DLG2: variants seen among roughly 807,000 people sequenced by gnomAD.
DLG2 encodes the protein disks large homolog 2.
A neutral mutation model predicts 132.5 loss-of-function variants in DLG2; 45 were observed. That is an observed-to-expected ratio of 0.34 (90% CI 0.27 to 0.44). The LOEUF (loss-of-function observed/expected upper bound fraction) is 0.44, where lower values mean the gene tolerates loss of function less well. Among genes scored for constraint, DLG2 ranks in the 20% least tolerant of loss-of-function variants. The pLI, the probability that DLG2 is intolerant of heterozygous loss-of-function variation, is 1.00. For missense variants in DLG2, 1,045 were observed against 1,196.9 expected (o/e 0.87, Z 1.87); for synonymous variants, 424 against 419.6 (o/e 1.01, Z -0.13).
At chr11:83,853,711 A>AG (rs1044599757) in intron 16 of DLG2, among the ~76,000 whole-genome samples, 2 of 152,182 alleles carry the variant, frequency 1.3e-5, no homozygotes, top group Admixed American at 6.5e-5. Context: ...TCAGTAAACT[A>AG]GGAATAGGGG....
intron 7 of DLG2, among the ~76,000 whole-genome samples, chr11:84,348,702 TTGTAAA>T (rs1192949646): frequency 6.6e-6 from 1 of 152,194 alleles, no homozygotes; most frequent in Non-Finnish European, 1.5e-5. Flanking sequence ...AATAGAGTCT[TTGTAAA>T]TGTAGTCAAT....
At chr11:83,996,743 C>T (rs2154187173) in intron 11 of DLG2, among the ~76,000 whole-genome samples, 1 of 152,156 alleles carries the variant, frequency 6.6e-6, no homozygotes, top group South Asian at 2.1e-4. Flanking sequence ...CATGTTCTCA[C>T]TTAGTTGTAG....
At chr11:83,753,476 C>T (rs904331102) in intron 18 of DLG2, among the ~76,000 whole-genome samples, 1 of 151,862 alleles carries the variant, frequency 6.6e-6, no homozygotes, top group South Asian at 2.1e-4. Flanking sequence ...TCTCTCCACT[C>T]ATGGCTCTTT....
chr11:84,464,493 C>T (rs1324301556), intron 7 of DLG2, among the ~76,000 whole-genome samples: 2 of 151,068 alleles, frequency 1.3e-5, no homozygotes, highest in Non-Finnish European at 3.0e-5. Context: ...ACTTTGGCAT[C>T]ACATTTAAGA....
chr11:85,047,068 C>G (rs543961750), intron 6 of DLG2, among the ~76,000 whole-genome samples: 2 of 151,900 alleles, frequency 1.3e-5, no homozygotes, highest in African/African-American at 2.4e-5. Flanking sequence ...CTTAGTGGCA[C>G]AAATGTAGGT....
intron 10 of DLG2, among the ~76,000 whole-genome samples, chr11:84,086,441 A>G (rs1423890000): frequency 6.7e-6 from 1 of 150,146 alleles, no homozygotes; most frequent in Admixed American, 6.6e-5. Context: ...CAATTGCCCT[A>G]TGTAATTTTA....
intron 3 of DLG2, among the ~76,000 whole-genome samples, chr11:85,382,221 T>C (rs1430985956): frequency 2.0e-5 from 3 of 152,112 alleles, no homozygotes; most frequent in Non-Finnish European, 4.4e-5. Context: ...AACTCACATT[T>C]ATGGTCAGCT....
chr11:85,424,074 G>T (rs2090528102), intron 3 of DLG2, among the ~76,000 whole-genome samples: 1 of 152,318 alleles, frequency 6.6e-6, no homozygotes, highest in Non-Finnish European at 1.5e-5. Context: ...GGCAAAAATG[G>T]CTTGCTAGGG....
intron 6 of DLG2, among the ~76,000 whole-genome samples, chr11:85,102,803 G>T (rs1594210862): frequency 6.6e-6 from 1 of 151,782 alleles, no homozygotes; most frequent in South Asian, 2.1e-4. Flanking sequence ...TAAATAAAAG[G>T]CATCCAGATT....
intron 7 of DLG2, among the ~76,000 whole-genome samples, chr11:84,457,151 G>T (rs372569541): frequency 1.2e-4 from 18 of 151,156 alleles, no homozygotes; most frequent in African/African-American, 4.1e-4. Context: ...TAATCTTGTT[G>T]AGAACAGAAA....
chr11:84,775,141 AAAG>A (rs1469563113), intron 6 of DLG2, among the ~76,000 whole-genome samples: 1 of 152,220 alleles, frequency 6.6e-6, no homozygotes. Context: ...ACACTTCTCA[AAAG>A]AATACATACA....
intron 6 of DLG2, among the ~76,000 whole-genome samples, chr11:85,063,450 C>A (rs117193595): frequency 0.022 from 3,288 of 151,906 alleles, 53 homozygotes; most frequent in Middle Eastern, 0.058. Context: ...ATCTTCTACA[C>A]AGAACTGACA....
At chr11:84,878,882 A>G (rs934286877) in intron 6 of DLG2, among the ~76,000 whole-genome samples, 2 of 152,198 alleles carry the variant, frequency 1.3e-5, no homozygotes, top group Admixed American at 6.5e-5. Flanking sequence ...TCACCATGCT[A>G]AAGCCTGATA....
chr11:84,368,647 CTAAG>C (rs1267754894), intron 7 of DLG2, among the ~76,000 whole-genome samples: 9 of 152,068 alleles, frequency 5.9e-5, no homozygotes, highest in African/African-American at 2.2e-4. Context: ...CAATGTAACA[CTAAG>C]TGAGTTATTT....
At chr11:84,990,794 A>G (rs1387069776) in intron 6 of DLG2, among the ~76,000 whole-genome samples, 4 of 152,112 alleles carry the variant, frequency 2.6e-5, no homozygotes, top group South Asian at 2.1e-4. Context: ...ATGAAGAACT[A>G]AAGTTTTAGT....
chr11:84,639,315 G>T (rs935534307), intron 6 of DLG2, among the ~76,000 whole-genome samples: 3 of 148,426 alleles, frequency 2.0e-5, no homozygotes, highest in Admixed American at 6.7e-5. Flanking sequence ...TTCTGAAATG[G>T]CAATACAACT....
intron 7 of DLG2, among the ~76,000 whole-genome samples, chr11:84,259,698 G>C (rs1176246852): frequency 2.0e-5 from 3 of 152,162 alleles, no homozygotes; most frequent in African/African-American, 4.8e-5. Context: ...CAAGGTAGCA[G>C]GATGGAAGAT....
intron 7 of DLG2, among the ~76,000 whole-genome samples, chr11:84,396,265 T>C (rs10898231): frequency 0.2 from 31,163 of 152,134 alleles, 4,412 homozygotes; most frequent in African/African-American, 0.4. Context: ...ATATTCAAAG[T>C]ACTGTACTAG....
chr11:85,367,688 A>T (rs286049), intron 3 of DLG2, among the ~76,000 whole-genome samples: 148,331 of 152,242 alleles, frequency 0.97, 72,279 homozygotes, highest in South Asian at 0.99. Flanking sequence ...CTTCATGGGA[A>T]TTTTGTATGA....
Sources: gnomAD v4.1 joint callset for allele counts (sites outside exome capture counted in the v4.1 genomes callset) on GRCh38, gnomAD v4.1.1 for gene constraint, MANE v1.5 for transcripts, NCBI Gene and HGNC (gene_info 2026-07-23, HGNC 2026-07-21) for gene names.